Variants in N4BP2 observed in about 807,000 individuals in gnomAD.
N4BP2 encodes NEDD4 binding protein 2, also known as NEDD4-binding protein 2.
A neutral mutation model predicts 152.8 loss-of-function variants in N4BP2; 91 were observed. The ratio of observed to expected loss-of-function variants is 0.60; its 90% CI spans 0.50 to 0.71. N4BP2 has a LOEUF of 0.71. N4BP2 is among the 30% of genes least tolerant of loss of function. The pLI, the probability that N4BP2 is intolerant of heterozygous loss-of-function variation, is 0.00. For missense variants in N4BP2, 1,923 were observed against 2,059.1 expected (o/e 0.93, Z 1.28); for synonymous variants, 646 against 705.3 (o/e 0.92, Z 1.33).
chr4:40,177,807 T>C, the N4BP2 span, among the ~76,000 whole-genome samples: 1 of 152,152 alleles, frequency 6.6e-6, no homozygotes, highest in African/African-American at 2.4e-5. Flanking sequence ...CCATCTTCTC[T>C]GCAGTCATCT....
chr4:40,134,900 C>CCTTT (rs200373501), intron 13 of N4BP2, among the ~76,000 whole-genome samples: 1,503 of 66,516 alleles, frequency 0.023, 34 homozygotes, highest in African/African-American at 0.054. Flanking sequence ...TTCCTTCCTT[C>CCTTT]CTTTCTCTCT....
the N4BP2 span, among the ~76,000 whole-genome samples, chr4:40,178,820 G>A: frequency 3.3e-5 from 5 of 152,058 alleles, no homozygotes; most frequent in South Asian, 2.1e-4. Context: ...AGCTGCTGTC[G>A]GAGAGCTCTG....
At chr4:40,137,956 G>A (rs540113585) in intron 14 of N4BP2, among the ~76,000 whole-genome samples, 1 of 152,166 alleles carries the variant, frequency 6.6e-6, no homozygotes, top group African/African-American at 2.4e-5. Flanking sequence ...TTCTGGACTG[G>A]TTGGTTTCCA....
intron 2 of N4BP2, 133 bp downstream of exon 2, chr4:40,073,684 G>A (rs911211640): frequency 6.6e-6 from 1 of 151,604 alleles, no homozygotes; most frequent in African/African-American, 2.4e-5. Flanking sequence ...GCCTCAAACT[G>A]CTAGGCTCAA....
At chr4:40,142,650 A>T (rs775139666) in intron 14 of N4BP2, 23 bp from the exon 15 acceptor site, 1 of 1,537,566 alleles carries the variant, frequency 6.5e-7, no homozygotes, top group Non-Finnish European at 8.8e-7. Flanking sequence ...TGTGTGTGTT[A>T]CTTATTGTTT....
chr4:40,120,948 T>C lies in N4BP2; in HGVS notation c.2837T>C (p.Leu946Pro), dbSNP rs1251574858. ...QKLKTLGSSN[L>P]GSSEMLLSEM... Reference sequence around the variant, plus strand: ...CTAAAGACATTGGGTAGCTCCAATCTAGGAAGTTCTGAAATGCTGCTCAGT... The same window carrying C: ...CTAAAGACATTGGGTAGCTCCAATCCAGGAAGTTCTGAAATGCTGCTCAGT... Residue 946 changes from leucine to proline, a missense_variant, in exon 9 of 18, where the codon CTA becomes CCA. By Grantham distance (98) the Leu-to-Pro change is moderately conservative. Transcript: ENST00000261435. 2 of 1,614,162 alleles carry C rather than the reference T, an allele frequency of 1.2e-6. No individual in the cohort carries two copies. The highest frequency in any genetic ancestry group is 1.7e-6 in the Non-Finnish European group (2 of 1,180,022).
rs1203677910 is a variant in N4BP2, at chr4:40,102,857, GGGAAGGAT to G, written c.1014_1021del (p.Lys339GlufsTer30). Reference sequence around the variant, plus strand: ...CAAACATCCTGAACTGCCAACTAAGGGGAAGGATGTGAGTTACTGCCCGGTACTTGCTC... The same window carrying G: ...CAAACATCCTGAACTGCCAACTAAGGGTGAGTTACTGCCCGGTACTTGCTC... On this transcript the variant is annotated frameshift_variant, in exon 4 of 18. Coordinates refer to ENST00000261435, the MANE Select transcript of N4BP2 (RefSeq NM_018177.6). LOFTEE classifies it high-confidence loss of function. The G allele has an allele frequency of 5.0e-6, 8 of 1,614,014 alleles. No individual in the cohort carries two copies. The highest frequency in any genetic ancestry group is 6.8e-6 in the Non-Finnish European group (8 of 1,180,038).
chr4:40,180,261 A>G, the N4BP2 span, among the ~76,000 whole-genome samples: 1 of 152,268 alleles, frequency 6.6e-6, no homozygotes, highest in Non-Finnish European at 1.5e-5. Flanking sequence ...GGCACAAGAT[A>G]TAAATATGCC....
chr4:40,155,891 A>G lies in N4BP2; in HGVS notation c.*1654A>G, dbSNP rs1012805131. On this transcript the variant is annotated 3_prime_UTR_variant, in exon 18 of 18. Transcript: ENST00000261435. Reference sequence around the variant, plus strand: ...GCTTATCATTGAATTTTAGTTCCATAAAAATGAAAATACATGTTTATTATT... The same window carrying G: ...GCTTATCATTGAATTTTAGTTCCATGAAAATGAAAATACATGTTTATTATT... 6.6e-6 allele frequency: 1 copy of G among 152,186 alleles called. No homozygotes were observed. Among genetic ancestry groups the G allele is most frequent in the Non-Finnish European group, 1.5e-5 (1 of 68,016 alleles). 9.4% of individuals were successfully genotyped at this position (152,186 alleles called of 1,614,324 possible).
chr4:40,098,613 C>T (rs939233594), intron 3 of N4BP2, among the ~76,000 whole-genome samples: 12 of 152,226 alleles, frequency 7.9e-5, no homozygotes, highest in Admixed American at 2.0e-4. Flanking sequence ...GTGTGGTCTG[C>T]GAGCATATCT....
intron 2 of N4BP2, among the ~76,000 whole-genome samples, chr4:40,088,137 G>T (rs1028194842): frequency 6.6e-6 from 1 of 152,120 alleles, no homozygotes; most frequent in African/African-American, 2.4e-5. Context: ...TTTTATTGCT[G>T]ACTAGTATTT....
chr4:40,157,741 G>A lies in N4BP2; in HGVS notation c.*3504G>A, dbSNP rs1229895423. ...ACATGTAAAGAAAACAGATTTAAAT[G>A]TTTATGTGGCCAAAAGGTGTCATTT... On this transcript the variant is annotated 3_prime_UTR_variant, in exon 18 of 18. Coordinates refer to ENST00000261435, the MANE Select transcript of N4BP2 (RefSeq NM_018177.6). 1.3e-5 allele frequency: 2 copies of A among 152,150 alleles called. No individual in the cohort carries two copies. Among genetic ancestry groups the A allele is most frequent in the Admixed American group, 6.5e-5 (1 of 15,276 alleles). The allele number at this position is 152,150 out of a possible 1,614,324, so 9.4% of individuals were successfully genotyped here.
chr4:40,112,144 C>A lies in N4BP2; in HGVS notation c.1559C>A (p.Ala520Glu). The A allele has an allele frequency of 6.3e-7, 1 of 1,578,714 alleles. No individual in the cohort carries two copies. Among genetic ancestry groups the A allele is most frequent in the South Asian group, 1.2e-5 (1 of 86,680 alleles). ...ATTATAGATAATACAAACCTACAGG[C>A]ATGGGAAATGAAACCATATGTTGCT... The part of the protein sequence containing the change: ...PIIIDNTNLQ[A>E]WEMKPYVALS... Residue 520 changes from alanine to glutamate, a missense_variant, in exon 6 of 18, where the codon GCA becomes GAA. Physicochemically the swap from Ala to Glu is moderately radical, Grantham distance 107 (BLOSUM62 -1). Coordinates refer to ENST00000261435, the MANE Select transcript of N4BP2 (RefSeq NM_018177.6).
intron 5 of N4BP2, among the ~76,000 whole-genome samples, chr4:40,111,583 T>A (rs1039394684): frequency 6.6e-6 from 1 of 152,042 alleles, no homozygotes; most frequent in Non-Finnish European, 1.5e-5. Flanking sequence ...CCTCCCAAAG[T>A]GCTGGGATTA....
In N4BP2 at chr4:40,137,098, T is replaced by C. The variant is rs757754891; in HGVS notation, c.4785+16T>C. The C allele has an allele frequency of 1.9e-6, 3 of 1,580,970 alleles. No individual in the cohort carries two copies. Among genetic ancestry groups the C allele is most frequent in the African/African-American group, 1.4e-5 (1 of 73,774 alleles). ...AGAGAAAAAGGTATGGAGTTACTAA[T>C]TTTTTTTCTACAAGGGTAGATAATT... On this transcript the variant is annotated intron_variant, in intron 14 of 17. Coordinates refer to ENST00000261435, the MANE Select transcript of N4BP2 (RefSeq NM_018177.6).
intron 12 of N4BP2, among the ~76,000 whole-genome samples, chr4:40,131,448 G>GTA (rs1339878814): frequency 2.0e-5 from 3 of 151,926 alleles, no homozygotes; most frequent in Non-Finnish European, 4.4e-5. Flanking sequence ...GTGTGTGTAT[G>GTA]TATATATATG....
intron 2 of N4BP2, among the ~76,000 whole-genome samples, chr4:40,077,567 C>T (rs1334605742): frequency 6.6e-6 from 1 of 151,928 alleles, no homozygotes; most frequent in Non-Finnish European, 1.5e-5. Context: ...GATTCTCCTG[C>T]CTCAGCCATC....
the N4BP2 span, among the ~76,000 whole-genome samples, chr4:40,182,862 A>G: frequency 1.3e-5 from 2 of 152,044 alleles, no homozygotes; most frequent in Non-Finnish European, 2.9e-5. Flanking sequence ...TTTTTAGTAG[A>G]GACGGGGTTT....
the N4BP2 span, among the ~76,000 whole-genome samples, chr4:40,184,541 CA>C: frequency 6.6e-6 from 1 of 151,900 alleles, no homozygotes; most frequent in East Asian, 1.9e-4. Flanking sequence ...CTGCAGAGTA[CA>C]AAAAATTAAA....
Sources: allele counts gnomAD v4.1 joint callset (sites outside exome capture counted in the v4.1 genomes callset), GRCh38; gene constraint gnomAD v4.1.1; transcripts MANE v1.5; gene names NCBI Gene and HGNC (gene_info 2026-07-23, HGNC 2026-07-21).